Variants in ATR observed in about 807,000 individuals in gnomAD.
ATR encodes ATR checkpoint kinase, also known as serine/threonine-protein kinase ATR.
In ATR, 142 loss-of-function variants were observed where a neutral mutation model predicts 305.3. The ratio of observed to expected loss-of-function variants is 0.47; its 90% confidence interval spans 0.41 to 0.53. ATR has a LOEUF of 0.53. Ranked by LOEUF, ATR falls within the 20% of genes least tolerant of loss-of-function variation. The probability of loss-of-function intolerance (pLI) is 0.00; values close to 1 mark genes in which losing one functional copy is unlikely to be tolerated. For synonymous variants in ATR, 1,050 were observed against 1,068.1 expected (o/e 0.98, Z 0.33); for missense variants, 2,135 against 3,133.1 (o/e 0.68, Z 7.60).
intron 46 of ATR, chr3:142,450,148 G>A (rs572827308): frequency 7.2e-6 from 3 of 414,810 alleles, no homozygotes; most frequent in African/African-American, 4.1e-5. Context: ...GGGCCACGGG[G>A]TGGAGACTGT....
chr3:142,451,814 TTGA>T, intron 46 of ATR: 1 of 1,274,476 alleles, frequency 7.8e-7, no homozygotes, highest in South Asian at 1.4e-5. Context: ...TGTATATAGC[TTGA>T]GTGTGATCCT....
rs1030672422 is a variant in ATR at position 142,522,375 on chromosome 3, C to A, written c.4266+353G>T. Among the ~76,000 whole-genome samples, 4 of 152,228 alleles carry A rather than the reference C, an allele frequency of 2.6e-5. No individual in the cohort carries two copies. In the East Asian group the frequency reaches 7.7e-4, roughly 29 times the overall value. ...TGGTCTGGAACTGAACCCCTACTAT[C>A]TCTGAGTTATGCTTGTACATAGAAA... On this transcript the variant is annotated intron_variant, in intron 23 of 46. Transcript: ENST00000350721.
At chr3:142,524,566 C>T (rs549959976) in intron 21 of ATR, among the ~76,000 whole-genome samples, 128 of 146,716 alleles carry the variant, frequency 8.7e-4, no homozygotes, top group African/African-American at 3.0e-3. Flanking sequence ...AACAAATATA[C>T]TTGTACGGCA....
intron 1 of ATR, among the ~76,000 whole-genome samples, chr3:142,569,608 C>CA (rs1385964183): frequency 6.6e-6 from 1 of 151,974 alleles, no homozygotes; most frequent in Non-Finnish European, 1.5e-5. Context: ...AGGCATGAGT[C>CA]ACCATGCCCA....
intron 18 of ATR, among the ~76,000 whole-genome samples, chr3:142,539,741 G>A (rs751505398): frequency 4.6e-5 from 7 of 152,030 alleles, no homozygotes; most frequent in African/African-American, 7.2e-5. Context: ...CTACAGATAC[G>A]CACAATCATG....
chr3:142,576,903 CT>C (rs36043310), intron 1 of ATR, among the ~76,000 whole-genome samples: 1 of 150,448 alleles, frequency 6.6e-6, no homozygotes, highest in Non-Finnish European at 1.5e-5. Context: ...ACACTAATAT[CT>C]TTTTTTTTCA....
At chr3:142,573,281 A>G (rs1257153981) in intron 1 of ATR, among the ~76,000 whole-genome samples, 6 of 151,214 alleles carry the variant, frequency 4.0e-5, no homozygotes, top group African/African-American at 1.2e-4. Context: ...CCCTTTCTCT[A>G]CTAAAAGATA....
Position 142,515,435 on chromosome 3 carries a change from G to T in ATR, c.4463C>A (p.Ala1488Glu). ...ACCTGCCCAAGATGCTGACCATTCT[G>T]CAAAGTTACTACCCAATTTACTTAA... ...IYLSKLGSNFAEWSASWAGYL... is the reference protein window; with the variant it reads ...IYLSKLGSNFEEWSASWAGYL... The change falls in exon 25 of 47, where the codon GCA becomes GAA. Residue 1488 changes from alanine to glutamate, a missense_variant. Around this residue, in one of 9 missense-constraint regions of ATR, gnomAD observed 202 missense variants for 252.9 expected, o/e 0.80. Transcript: ENST00000350721. 1 of 1,613,808 alleles carries T rather than the reference G, an allele frequency of 6.2e-7. No homozygotes were observed. Among genetic ancestry groups the T allele is most frequent in the Non-Finnish European group, 8.5e-7 (1 of 1,179,836 alleles).
intron 45 of ATR, among the ~76,000 whole-genome samples, chr3:142,456,487 G>T (rs1002324607): frequency 1.3e-5 from 2 of 151,942 alleles, no homozygotes; most frequent in East Asian, 3.9e-4. Context: ...CACGAGAATC[G>T]TTTGAACCCA....
chr3:142,576,602 AAAAG>A (rs1181056179), intron 1 of ATR, among the ~76,000 whole-genome samples: 15 of 152,366 alleles, frequency 9.8e-5, no homozygotes, highest in South Asian at 2.1e-4. Context: ...TTAATTTAAA[AAAAG>A]AAAGCTTGTG....
At chr3:142,466,848 G>T (rs2071142719) in intron 39 of ATR, among the ~76,000 whole-genome samples, 1 of 152,058 alleles carries the variant, frequency 6.6e-6, no homozygotes, top group Non-Finnish European at 1.5e-5. Context: ...ACTCCAACAG[G>T]TTACCCTCAG....
Position 142,523,982 on chromosome 3 carries a change from C to T in ATR, c.4152+11G>A. On this transcript the variant is annotated intron_variant, in intron 22 of 46. Coordinates refer to ENST00000350721, the MANE Select transcript of ATR (RefSeq NM_001184.4). ...AGAACTCTTTTGTCATTCCAAATTT[C>T]CACTACTTACCACAAATGTAAAATC... 1.2e-6 allele frequency: 2 copies of T among 1,611,326 alleles called. No individual in the cohort carries two copies. Among genetic ancestry groups the T allele is most frequent in the Non-Finnish European group, 1.7e-6 (2 of 1,177,594 alleles).
rs902148498 is a variant in ATR at position 142,507,797 on chromosome 3, G to T, written c.5031+134C>A. ...TGTACTTAAAATATTATACCAAATT[G>T]ATGTTTATCTCTCCCCACTAATCTA... On this transcript the variant is annotated intron_variant, in intron 28 of 46. Transcript: ENST00000350721. 1.1e-5 allele frequency: 9 copies of T among 815,040 alleles called. No individual in the cohort carries two copies. The Admixed American group carries it at 2.1e-4, about 19-fold the overall frequency. 50.5% of individuals were successfully genotyped at this position (815,040 alleles called of 1,614,324 possible). A position where few individuals can be genotyped will look rare whatever the true frequency, so the allele number is the denominator to read the frequency against.
chr3:142,539,376 T>C (rs2108434695), intron 18 of ATR, among the ~76,000 whole-genome samples: 1 of 152,256 alleles, frequency 6.6e-6, no homozygotes, highest in South Asian at 2.1e-4. Flanking sequence ...AAGAGATTAA[T>C]AGAGGTCATA....
intron 25 of ATR, 143 bp downstream of exon 25, chr3:142,515,252 A>C: frequency 9.3e-7 from 1 of 1,071,478 alleles, no homozygotes; most frequent in East Asian, 2.6e-5. Flanking sequence ...ATTATTCTCT[A>C]TTAGTTAACA....
chr3:142,542,908 G>A (rs1000554527), intron 16 of ATR, 151 bp from the exon 17 acceptor site: 3 of 684,886 alleles, frequency 4.4e-6, no homozygotes, highest in African/African-American at 1.8e-5. Context: ...TTCTCCAAAA[G>A]CATATATCTT....
At chr3:142,546,394 G>A (rs1214309051) in intron 16 of ATR, among the ~76,000 whole-genome samples, 1 of 152,128 alleles carries the variant, frequency 6.6e-6, no homozygotes, top group Non-Finnish European at 1.5e-5. Context: ...ACTAAAAGTA[G>A]CCCCTTTGTT....
At chr3:142,568,883 T>C (rs1318987662) in intron 1 of ATR, among the ~76,000 whole-genome samples, 1 of 152,250 alleles carries the variant, frequency 6.6e-6, no homozygotes, top group Non-Finnish European at 1.5e-5. Flanking sequence ...CTCTGGACTT[T>C]GGGCAGGCCA....
intron 27 of ATR, among the ~76,000 whole-genome samples, chr3:142,511,213 C>T (rs767190416): frequency 3.9e-4 from 59 of 152,082 alleles, no homozygotes; most frequent in Non-Finnish European, 7.5e-4. Context: ...CACACACACA[C>T]ACACACAAAA....
Sources: allele counts gnomAD v4.1 joint callset (sites outside exome capture counted in the v4.1 genomes callset), GRCh38; gene constraint gnomAD v4.1.1; regional missense constraint gnomAD v4.1.1; transcripts MANE v1.5; gene names NCBI Gene and HGNC (gene_info 2026-07-23, HGNC 2026-07-21).